RBM33: variants seen among roughly 807,000 people sequenced by gnomAD.
The protein encoded by RBM33 is RNA-binding protein 33.
Under a neutral mutation model 132.6 loss-of-function variants are expected in RBM33, and 28 were observed. The ratio of observed to expected loss-of-function variants is 0.21; its 90% confidence interval spans 0.16 to 0.29. RBM33 has a LOEUF of 0.29. Among genes scored for constraint, RBM33 ranks in the 10% least tolerant of loss-of-function variants. The pLI is 1.00. For synonymous variants in RBM33, 634 were observed against 593.0 expected (o/e 1.07, Z -1.01); for missense variants, 1,291 against 1,518.5 (o/e 0.85, Z 2.49).
In RBM33 at chr7:155,744,943, G is replaced by A. The variant is rs772237677; in HGVS notation, c.2338-18G>A. 2 of 1,538,216 alleles carry A rather than the reference G, an allele frequency of 1.3e-6. No individual in the cohort carries two copies. Among genetic ancestry groups the A allele is most frequent in the Non-Finnish European group, 1.7e-6 (2 of 1,148,066 alleles). ...TTGCCTGTATAGCAAAGTAAACCGTGTATGTTTTCCATTTTAGTTTCCTGA... is the reference window on the plus strand; with the variant it reads ...TTGCCTGTATAGCAAAGTAAACCGTATATGTTTTCCATTTTAGTTTCCTGA... On this transcript the variant is annotated intron_variant, in intron 13 of 17. Transcript: ENST00000401878.
chr7:155,725,655 TAAAG>T (rs927361242), intron 9 of RBM33, among the ~76,000 whole-genome samples: 4 of 152,096 alleles, frequency 2.6e-5, no homozygotes, highest in Admixed American at 2.0e-4. Context: ...GGTGCAGAAA[TAAAG>T]AGTTTTTCAT....
At position 155,738,242 on chromosome 7, in the gene RBM33, C is replaced by T. The variant is rs1311665032; in HGVS notation, c.1576C>T (p.Arg526Trp). The change falls in exon 11 of 18, where the codon CGG becomes TGG. Residue 526 changes from arginine to tryptophan, a missense_variant. Coordinates refer to ENST00000401878, the MANE Select transcript of RBM33 (RefSeq NM_053043.3). ...ACAGCAGCCAGTGTTCCCAAGAGAG[C>T]GGCCCGTACGACCAGCCTTGCAGCC... is the stretch of plus-strand genomic sequence containing the variant. ...QGQQPVFPRE[R>W]PVRPALQPPG... The T allele has an allele frequency of 1.2e-6, 2 of 1,614,004 alleles. No individual in the cohort carries two copies. Among genetic ancestry groups the T allele is most frequent in the Non-Finnish European group, 1.7e-6 (2 of 1,179,906 alleles).
intron 14 of RBM33, among the ~76,000 whole-genome samples, chr7:155,757,224 C>T (rs111944278): frequency 1.3e-5 from 2 of 152,148 alleles, no homozygotes; most frequent in Admixed American, 6.5e-5. Flanking sequence ...AAACTACGCT[C>T]CTGGCCACAA....
intron 7 of RBM33, 53 bp from the exon 8 acceptor site, chr7:155,711,150 G>GTTTT: frequency 8.3e-7 from 1 of 1,208,838 alleles, no homozygotes; most frequent in African/African-American, 1.6e-5. Flanking sequence ...GTGAACTTTT[G>GTTTT]TTTTTTTTTT....
intron 5 of RBM33, among the ~76,000 whole-genome samples, chr7:155,688,832 A>C (rs916288742): frequency 2.0e-5 from 3 of 152,222 alleles, no homozygotes; most frequent in Non-Finnish European, 2.9e-5. Context: ...AGCCCACTTG[A>C]TCATGGCGGA....
intron 6 of RBM33, among the ~76,000 whole-genome samples, chr7:155,702,368 G>A (rs1799990406): frequency 6.6e-6 from 1 of 152,024 alleles, no homozygotes; most frequent in African/African-American, 2.4e-5. Context: ...CTTTTTCTTT[G>A]TGGTCTAGTT....
chr7:155,746,838 C>CA (rs1215950514), intron 14 of RBM33, among the ~76,000 whole-genome samples: 1 of 152,146 alleles, frequency 6.6e-6, no homozygotes, highest in Non-Finnish European at 1.5e-5. Flanking sequence ...AACCAGCTAG[C>CA]AACGATTGCT....
Position 155,764,150 on chromosome 7 carries a change from T to C in RBM33, c.3186+132T>C, listed in dbSNP as rs1055985883. The C allele has an allele frequency of 6.0e-5, 45 of 752,294 alleles. 2 individuals carry two copies. The Middle Eastern group carries it at 2.4e-3, about 40-fold the overall frequency. 46.6% of individuals were successfully genotyped at this position (752,294 alleles called of 1,614,324 possible). On this transcript the variant is annotated intron_variant, in intron 15 of 17. Coordinates refer to ENST00000401878, the MANE Select transcript of RBM33 (RefSeq NM_053043.3). ...TTCATAAGTGAACCATCATTTCCTT[T>C]GTTCTGGCTTTGAAAACGCGTTAAC...
chr7:155,741,767 C>T (rs1801343857), intron 12 of RBM33, 52 bp from the exon 13 acceptor site: 1 of 1,511,430 alleles, frequency 6.6e-7, no homozygotes, highest in Non-Finnish European at 9.0e-7. Context: ...TTTTAATGTT[C>T]CTTCTGCCAA....
chr7:155,778,819 A>C lies in RBM33; in HGVS notation c.*3778A>C, dbSNP rs545373422. 1 of 153,006 alleles carries C rather than the reference A, an allele frequency of 6.5e-6. No homozygotes were observed. Among genetic ancestry groups the C allele is most frequent in the Admixed American group, 6.5e-5 (1 of 15,294 alleles). 9.5% of individuals were successfully genotyped at this position (153,006 alleles called of 1,614,324 possible). On this transcript the variant is annotated 3_prime_UTR_variant, in exon 18 of 18. Coordinates refer to ENST00000401878, the MANE Select transcript of RBM33 (RefSeq NM_053043.3). The surrounding 1 kb of genome is among the most constrained non-coding windows in gnomAD (Gnocchi z 4.0). ...TTATTTTATTGGGAAGGTAAGCGGA[A>C]TGTGCTCATAGACCATCAGACGCTT...
intron 16 of RBM33, among the ~76,000 whole-genome samples, chr7:155,773,568 CAAAAAAAAAAAAA>C (rs201127157): frequency 4.2e-4 from 21 of 50,476 alleles, no homozygotes; most frequent in Admixed American, 1.3e-3. Flanking sequence ...ACTCCATCTC[CAAAAAAAAAAAAA>C]AAAAAAAAAA....
chr7:155,766,179 AATG>A (rs906220569), intron 15 of RBM33, among the ~76,000 whole-genome samples: 3 of 152,116 alleles, frequency 2.0e-5, no homozygotes, highest in African/African-American at 7.2e-5. Flanking sequence ...ATCTACACAG[AATG>A]ATGATGACAC....
rs112352423 is a variant in RBM33, at chr7:155,676,878, G to C, written c.172-1730G>C. Among the ~76,000 whole-genome samples the C allele has an allele frequency of 4.2e-3, 635 of 152,278 alleles. 9 individuals are homozygous for C. The highest frequency in any genetic ancestry group is 0.015 in the African/African-American group (611 of 41,560). Reference sequence around the variant, plus strand: ...GAGGAAAGTTGAATAATCCTCAAAGGAGATTTGACTCCCACGAGGGCTCAC... The same window carrying C: ...GAGGAAAGTTGAATAATCCTCAAAGCAGATTTGACTCCCACGAGGGCTCAC... On this transcript the variant is annotated intron_variant, in intron 3 of 17. Coordinates refer to ENST00000401878, the MANE Select transcript of RBM33 (RefSeq NM_053043.3).
intron 7 of RBM33, 149 bp downstream of exon 7, chr7:155,707,217 C>T: frequency 2.6e-6 from 2 of 759,974 alleles, no homozygotes; most frequent in South Asian, 1.5e-5. Context: ...GCTTTATAGT[C>T]TCATGTGATG....
At chr7:155,659,032 C>T (rs575837978) in intron 1 of RBM33, among the ~76,000 whole-genome samples, 59 of 152,266 alleles carry the variant, frequency 3.9e-4, no homozygotes, top group African/African-American at 1.3e-3. Flanking sequence ...AGTGACCACA[C>T]TTAAGGAATA....
intron 12 of RBM33, among the ~76,000 whole-genome samples, chr7:155,741,108 A>G (rs1335866667): frequency 6.6e-6 from 1 of 152,158 alleles, no homozygotes; most frequent in African/African-American, 2.4e-5. Flanking sequence ...AAATCTGAGA[A>G]GAGGGTGCTT....
intron 8 of RBM33, among the ~76,000 whole-genome samples, chr7:155,712,367 G>A (rs1800331749): frequency 6.6e-6 from 1 of 152,226 alleles, no homozygotes; most frequent in Non-Finnish European, 1.5e-5. Context: ...CATTTATTGA[G>A]CTACTACTCT....
At chr7:155,673,015 T>C in intron 3 of RBM33, 100 bp downstream of exon 3, 1 of 693,872 alleles carries the variant, frequency 1.4e-6, no homozygotes, top group Non-Finnish European at 2.2e-6. Context: ...ACTGGAAAGT[T>C]GGGTATAGAT....
Position 155,711,309 on chromosome 7 carries a change from A to G in RBM33, c.1055A>G (p.His352Arg). 1.9e-6 allele frequency: 3 copies of G among 1,606,174 alleles called. No homozygotes were observed. Among genetic ancestry groups the G allele is most frequent in the African/African-American group, 1.3e-5 (1 of 74,580 alleles). Reference protein sequence around the residue: ...QPLLPVQHPHHPSPPQGMHMP... With the variant: ...QPLLPVQHPHRPSPPQGMHMP... ...CTGCTTCCGGTGCAGCACCCGCACC[A>G]CCCATCCCCGCCTCAGGGAATGCAC... The change falls in exon 8 of 18, where the codon CAC becomes CGC. Residue 352 changes from histidine to arginine, a missense_variant. This residue lies in a region of RBM33 where 146 missense variants were observed against 137.1 expected (regional missense o/e 1.07). Coordinates refer to ENST00000401878, the MANE Select transcript of RBM33 (RefSeq NM_053043.3).
Sources: gnomAD v4.1 joint callset for allele counts (sites outside exome capture counted in the v4.1 genomes callset) on GRCh38, gnomAD v4.1.1 for gene constraint, gnomAD v4.1.1 regional missense constraint, Gnocchi (gnomAD v3.1) non-coding constraint, MANE v1.5 for transcripts, NCBI Gene and HGNC (gene_info 2026-07-23, HGNC 2026-07-21) for gene names.